The following CACNA1E variants were observed in gnomAD, a reference collection of about 807,000 sequenced individuals.
CACNA1E encodes calcium voltage-gated channel subunit alpha1 E.
In CACNA1E, 40 loss-of-function variants were observed where a neutral mutation model predicts 259.2. That is an observed-to-expected ratio of 0.15 (90% confidence interval 0.12 to 0.20). The LOEUF is 0.20. Among genes scored for constraint, CACNA1E ranks in the 10% least tolerant of loss-of-function variants. The pLI is 1.00. For synonymous variants in CACNA1E, 1,104 were observed against 1,138.5 expected, an observed-to-expected ratio of 0.97 and a Z score of 0.61; for missense variants, 1,874 against 3,040.1, an observed-to-expected ratio of 0.62 and a Z score of 9.02.
At chr1:181,466,894 A>G (rs998119674) in intron 2 of CACNA1E, among the ~76,000 whole-genome samples, 1 of 152,244 alleles carries the variant, frequency 6.6e-6, no homozygotes, top group African/African-American at 2.4e-5. Flanking sequence ...AGCATAAAAT[A>G]GTCCCTGGGA....
chr1:181,727,741 G>A (rs1275369411), intron 18 of CACNA1E, among the ~76,000 whole-genome samples: 1 of 152,210 alleles, frequency 6.6e-6, no homozygotes, highest in East Asian at 1.9e-4. Flanking sequence ...GGTGAGTGGT[G>A]CTGGGGCATC....
chr1:181,580,424 T>G (rs1651409552), intron 5 of CACNA1E, among the ~76,000 whole-genome samples, 171 bp from the exon 6 acceptor site: 2 of 152,134 alleles, frequency 1.3e-5, no homozygotes, highest in South Asian at 4.2e-4. Flanking sequence ...ACACATGATA[T>G]GTGAGCTGGG....
chr1:181,516,631 T>A (rs1666605359), intron 3 of CACNA1E, among the ~76,000 whole-genome samples: 1 of 152,238 alleles, frequency 6.6e-6, no homozygotes, highest in Non-Finnish European at 1.5e-5. Flanking sequence ...CCTGTGCTGC[T>A]GGAGCAATTT....
intron 12 of CACNA1E, 36 bp downstream of exon 12, chr1:181,718,203 G>T: frequency 9.7e-7 from 1 of 1,029,134 alleles, no homozygotes; most frequent in Non-Finnish European, 1.5e-6. Flanking sequence ...CTCCTGCTTC[G>T]TGTTGATATG....
rs575702858 is a variant in CACNA1E, at chr1:181,755,383, A to G, written c.3975A>G (p.Thr1325=). ...FFYCTDSSKD[T]EKECIGNYVD... ...ATTGCACGGACAGTTCCAAGGACAC[A>G]GAGAAGGAGTGCATGTAAGTGCCAC... The change falls in exon 28 of 48, where the codon ACA becomes ACG. Residue 1325 remains threonine (T), a synonymous_variant. Coordinates refer to ENST00000367573, the MANE Select transcript of CACNA1E (RefSeq NM_001205293.3). 42 of 1,613,814 alleles carry G rather than the reference A, an allele frequency of 2.6e-5. No homozygotes were observed. In the South Asian group the frequency reaches 3.7e-4, roughly 14 times the overall value.
chr1:181,674,883 A>T (rs556974009), intron 7 of CACNA1E, among the ~76,000 whole-genome samples: 19 of 152,336 alleles, frequency 1.2e-4, no homozygotes, highest in African/African-American at 4.6e-4. Context: ...TGGCAGGGTG[A>T]CTGCCTTTCT....
chr1:181,753,986 T>TC (rs1350879322), intron 27 of CACNA1E, among the ~76,000 whole-genome samples: 1 of 152,102 alleles, frequency 6.6e-6, no homozygotes, highest in Non-Finnish European at 1.5e-5. Context: ...TACCCCGCCT[T>TC]CCCCCCTGGA....
At chr1:181,556,073 G>T (rs181463964) in intron 3 of CACNA1E, among the ~76,000 whole-genome samples, 13 of 152,350 alleles carry the variant, frequency 8.5e-5, no homozygotes, top group Non-Finnish European at 1.8e-4. Context: ...TGTTGTGCCA[G>T]TGGTGGTTAC....
At chr1:181,596,412 C>T (rs879271203) in intron 6 of CACNA1E, among the ~76,000 whole-genome samples, 1 of 152,182 alleles carries the variant, frequency 6.6e-6, no homozygotes, top group Admixed American at 6.5e-5. Context: ...GGTCACGTGC[C>T]CCCTCCACCT....
intron 2 of CACNA1E, among the ~76,000 whole-genome samples, chr1:181,458,042 G>T (rs2102361611): frequency 6.6e-6 from 1 of 152,332 alleles, no homozygotes; most frequent in Non-Finnish European, 1.5e-5. Flanking sequence ...GCGGCTGGAG[G>T]CTCCTCCACT....
At chr1:181,786,155 G>A (rs975108599) in intron 43 of CACNA1E, among the ~76,000 whole-genome samples, 11 of 152,130 alleles carry the variant, frequency 7.2e-5, no homozygotes, top group South Asian at 2.1e-4. Flanking sequence ...TCGCTTCCCC[G>A]TGGATCTAGT....
intron 1 of CACNA1E, among the ~76,000 whole-genome samples, chr1:181,363,543 C>G (rs187175941): frequency 4.1e-4 from 63 of 152,294 alleles, no homozygotes; most frequent in Non-Finnish European, 7.6e-4. Context: ...AGGAGAACAA[C>G]AAGTAGGGGT....
Position 181,733,561 on chromosome 1 carries a change from G to C in CACNA1E, c.3073G>C (p.Glu1025Gln), listed in dbSNP as rs747813929. The C allele has an allele frequency of 9.3e-6, 15 of 1,613,002 alleles. No individual in the cohort carries two copies. In the South Asian group the frequency reaches 1.7e-4, roughly 18 times the overall value. Reference sequence around the variant, plus strand: ...GAAGCACGTGGTGCTGACGGAGCAGGAGCCAGAAGGCAGCAGTGAGCAGGC... The same window carrying C: ...GAAGCACGTGGTGCTGACGGAGCAGCAGCCAGAAGGCAGCAGTGAGCAGGC... ...VGKHVVLTEQEPEGSSEQALL... is the reference protein window; with the variant it reads ...VGKHVVLTEQQPEGSSEQALL... Residue 1025 changes from glutamate (E) to glutamine (Q), a missense_variant, in exon 21 of 48, where the codon GAG (glutamate) becomes CAG (glutamine). By Grantham distance (29) the Glu-to-Gln change is conservative (BLOSUM62 2). Transcript: ENST00000367573.
At chr1:181,555,512 G>T (rs184747992) in intron 3 of CACNA1E, among the ~76,000 whole-genome samples, 2 of 152,230 alleles carry the variant, frequency 1.3e-5, no homozygotes, top group African/African-American at 4.8e-5. Context: ...TGCCACCTGC[G>T]ATTTCTTCTG....
intron 3 of CACNA1E, among the ~76,000 whole-genome samples, chr1:181,572,794 C>T (rs752881957): frequency 6.6e-6 from 1 of 152,102 alleles, no homozygotes; most frequent in Non-Finnish European, 1.5e-5. Flanking sequence ...CATCACCTGC[C>T]ATTAAGCTAC....
At position 181,335,784 on chromosome 1, in the gene CACNA1E, G is replaced by A. The variant is rs7512272; in HGVS notation, c.-15+17661G>A. 9.3e-3 allele frequency among the ~76,000 whole-genome samples: 1,410 copies of A among 152,312 alleles called. 27 individuals are homozygous for A. The highest frequency in any genetic ancestry group is 0.032 in the African/African-American group (1,329 of 41,552). ...TGACATATGGACACTTCAGGTTCCT[G>A]CTGGGGGGAATTTGGATGATGTCAT... is the stretch of plus-strand genomic sequence containing the variant. On this transcript the variant is annotated intron_variant, in intron 1 of 11. Coordinates refer to the CACNA1E transcript ENST00000524607.
At chr1:181,551,731 C>T (rs1052312158) in intron 3 of CACNA1E, among the ~76,000 whole-genome samples, 1 of 152,050 alleles carries the variant, frequency 6.6e-6, no homozygotes, top group Non-Finnish European at 1.5e-5. Flanking sequence ...TCAACAACAT[C>T]CCTGACAGCT....
chr1:181,783,533 A>G (rs926397477), intron 39 of CACNA1E, 146 bp from the exon 40 acceptor site: 1 of 555,868 alleles, frequency 1.8e-6, no homozygotes, highest in African/African-American at 1.9e-5. Context: ...AGAAGCAGGG[A>G]GAGAAGGACT....
chr1:181,488,360 A>G (rs1401630508), intron 1 of CACNA1E, among the ~76,000 whole-genome samples: 1 of 152,212 alleles, frequency 6.6e-6, no homozygotes, highest in African/African-American at 2.4e-5. Flanking sequence ...ATATCCTATG[A>G]TCAGATAATG....
Sources: allele counts gnomAD v4.1 joint callset (sites outside exome capture counted in the v4.1 genomes callset), GRCh38; gene constraint gnomAD v4.1.1; transcripts MANE v1.5; gene names NCBI Gene and HGNC (gene_info 2026-07-23, HGNC 2026-07-21).